The following FAAH2 variants were observed in gnomAD, a reference collection of about 807,000 sequenced individuals.
FAAH2 encodes the protein fatty acid amide hydrolase 2, also known as fatty-acid amide hydrolase 2.
FAAH2 carries 60 observed loss-of-function variants against 36.9 expected under a neutral mutation model. The ratio of observed to expected loss-of-function variants is 1.63; its 90% CI spans 1.32 to 2.02. The LOEUF is 2.02. Among genes scored for constraint, FAAH2 ranks in the 30% most tolerant of loss-of-function variants. The pLI, the probability that FAAH2 is intolerant of heterozygous loss-of-function variation, is 0.00. For missense variants in FAAH2, 689 were observed against 397.5 expected, an observed-to-expected ratio of 1.73 and a Z score of -6.23; for synonymous variants, 214 against 143.8, an observed-to-expected ratio of 1.49 and a Z score of -3.49.
At chrX:57,423,822 C>T (rs2056094852) in intron 7 of FAAH2, among the ~76,000 whole-genome samples, 1 of 111,218 alleles carries the variant, frequency 9.0e-6, no homozygotes, top group African/African-American at 3.3e-5. Context: ...CCCCAGGGAG[C>T]TCTATAGCCT....
At chrX:57,162,931 G>T in the FAAH2 span, among the ~76,000 whole-genome samples, 3 of 112,601 alleles carry the variant, frequency 2.7e-5, no homozygotes, top group Non-Finnish European at 3.7e-5. Flanking sequence ...GAGGAGGAGA[G>T]GCGCTCTGCT....
At chrX:57,354,970 G>A (rs1259386311) in intron 5 of FAAH2, among the ~76,000 whole-genome samples, 1 of 110,744 alleles carries the variant, frequency 9.0e-6, no homozygotes, top group African/African-American at 3.3e-5. Flanking sequence ...TATCTGGCTA[G>A]CACTGCCAGG....
At chrX:57,141,040 G>T in the FAAH2 span, among the ~76,000 whole-genome samples, 2 of 111,820 alleles carry the variant, frequency 1.8e-5, no homozygotes, top group Admixed American at 1.9e-4. Context: ...AGGCTTTCAG[G>T]TTTTTTCCCA....
At chrX:57,436,828 T>G (rs929752844) in intron 8 of FAAH2, among the ~76,000 whole-genome samples, 1 of 111,019 alleles carries the variant, frequency 9.0e-6, no homozygotes, top group Non-Finnish European at 1.9e-5. Context: ...AACAGTTCTT[T>G]TGAAATTGCT....
In FAAH2 at chrX:57,431,787, G is replaced by GTTTTTT. The variant is rs58140227; in HGVS notation, c.997-128_997-123dup. ...TGTTTTTTTGTTTTTTTGTTTTTTT[G>GTTTTTT]TTTTTTTTGGTGTTTCCATGGGGCA... On this transcript the variant is annotated intron_variant, in intron 7 of 10. Coordinates refer to ENST00000374900, the MANE Select transcript of FAAH2 (RefSeq NM_174912.4). 94 of 129,116 alleles carry GTTTTTT rather than the reference G, an allele frequency of 7.3e-4. 5 individuals carry two copies. The highest frequency in any genetic ancestry group is 1.5e-3 in the East Asian group (6 of 3,994). The allele number at this position is 129,116 out of a possible 1,213,427, so 10.6% of individuals were successfully genotyped here.
chrX:57,404,967 G>C (rs2147315917), intron 7 of FAAH2, among the ~76,000 whole-genome samples: 1 of 111,817 alleles, frequency 8.9e-6, no homozygotes, highest in Admixed American at 9.4e-5. Context: ...AGCAGAAGCT[G>C]GTTCCAGGCA....
the FAAH2 span, among the ~76,000 whole-genome samples, chrX:57,179,929 G>A: frequency 8.9e-6 from 1 of 111,874 alleles, no homozygotes; most frequent in Non-Finnish European, 1.9e-5. Flanking sequence ...TCAGATAACA[G>A]CACAATAAAA....
At chrX:57,368,168 C>T (rs1250043212) in intron 5 of FAAH2, among the ~76,000 whole-genome samples, 3 of 110,938 alleles carry the variant, frequency 2.7e-5, no homozygotes, top group Admixed American at 9.6e-5. Context: ...TTACTCCAAG[C>T]CTGGCTCCAG....
intron 7 of FAAH2, 130 bp downstream of exon 7, chrX:57,381,159 C>A: frequency 2.3e-6 from 1 of 429,476 alleles, no homozygotes; most frequent in Non-Finnish European, 3.9e-6. Context: ...AACAGTTATA[C>A]TAAGGAATTT....
chrX:57,317,503 C>G (rs1018723756), intron 3 of FAAH2, among the ~76,000 whole-genome samples: 1 of 111,781 alleles, frequency 8.9e-6, no homozygotes, highest in Admixed American at 9.5e-5. Context: ...CGGGAGCACC[C>G]AGATTCATAA....
At chrX:57,441,781 T>C (rs1348284061) in intron 8 of FAAH2, among the ~76,000 whole-genome samples, 1 of 111,588 alleles carries the variant, frequency 9.0e-6, no homozygotes, top group African/African-American at 3.3e-5. Context: ...CTGCTTTAAA[T>C]GTGTCCCAGA....
intron 3 of FAAH2, among the ~76,000 whole-genome samples, chrX:57,316,331 C>G (rs759741086): frequency 9.0e-6 from 1 of 111,644 alleles, no homozygotes; most frequent in Non-Finnish European, 1.9e-5. Flanking sequence ...TAACGCTATT[C>G]CTACCAAACT....
At position 57,439,014 on chromosome X, in the gene FAAH2, G is replaced by C. The variant is rs5915022; in HGVS notation, c.1116+6977G>C. On this transcript the variant is annotated intron_variant, in intron 8 of 10. Transcript: ENST00000374900. ...TCCAGTCTATCGTTGTTGGACATTT[G>C]GGTTGGTTCCAAGTCTTCGCTATTG... Among the ~76,000 whole-genome samples the C allele has an allele frequency of 9.1e-3, 1,009 of 110,777 alleles. 14 individuals carry two copies. The highest frequency in any genetic ancestry group is 0.014 in the Non-Finnish European group (726 of 52,841).
chrX:57,343,241 A>G (rs765440702), intron 5 of FAAH2, among the ~76,000 whole-genome samples: 2 of 112,215 alleles, frequency 1.8e-5, no homozygotes, highest in African/African-American at 6.5e-5. Flanking sequence ...TACCAACAGT[A>G]TATAAGCATT....
chrX:57,260,234 A>G, the FAAH2 span, among the ~76,000 whole-genome samples: 10 of 112,078 alleles, frequency 8.9e-5, no homozygotes, highest in African/African-American at 3.2e-4. Context: ...AATGAAAGAC[A>G]TTCAGATGAA....
chrX:57,186,519 T>A, the FAAH2 span, among the ~76,000 whole-genome samples: 1 of 112,341 alleles, frequency 8.9e-6, no homozygotes, highest in Admixed American at 9.4e-5. Flanking sequence ...TGTTGCCTGT[T>A]CACTTTGATA....
the FAAH2 span, among the ~76,000 whole-genome samples, chrX:57,214,181 T>C: frequency 3.6e-5 from 4 of 112,200 alleles, no homozygotes; most frequent in African/African-American, 1.3e-4. Context: ...TTAACTTCAG[T>C]CTGTTTCTTT....
chrX:57,283,517 C>G (rs2051773318), upstream of FAAH2, among the ~76,000 whole-genome samples: 1 of 111,846 alleles, frequency 8.9e-6, no homozygotes, highest in South Asian at 3.8e-4. Flanking sequence ...GGGGAAGAAC[C>G]ACTGCAATGG....
intron 5 of FAAH2, among the ~76,000 whole-genome samples, chrX:57,377,767 T>C (rs2054723757): frequency 8.9e-6 from 1 of 112,595 alleles, no homozygotes; most frequent in African/African-American, 3.2e-5. Flanking sequence ...TGATTCTTGC[T>C]ATCCATGAGC....
Sources: gnomAD v4.1 joint callset for allele counts (sites outside exome capture counted in the v4.1 genomes callset) on GRCh38, gnomAD v4.1.1 for gene constraint, MANE v1.5 for transcripts, NCBI Gene and HGNC (gene_info 2026-07-23, HGNC 2026-07-21) for gene names.